The following CFAP46 variants were observed in gnomAD, a reference collection of about 807,000 sequenced individuals.
CFAP46 encodes the protein cilia- and flagella-associated protein 46.
A neutral mutation model predicts 325.7 loss-of-function variants in CFAP46; 245 were observed. That is an observed-to-expected ratio of 0.75 (90% CI 0.68 to 0.84). CFAP46 has a LOEUF of 0.84. CFAP46 is among the 40% of genes least tolerant of loss of function. The pLI is 0.00. For missense variants in CFAP46, 3,346 were observed against 3,543.0 expected (o/e 0.94, Z 1.41); for synonymous variants, 1,523 against 1,495.9 (o/e 1.02, Z -0.42).
intron 35 of CFAP46, among the ~76,000 whole-genome samples, chr10:132,864,481 A>G (rs1848778344): frequency 1.1e-5 from 1 of 94,160 alleles, no homozygotes. Context: ...AGACCTGCAC[A>G]CATCTGTCCC....
intron 47 of CFAP46, 89 bp downstream of exon 47, chr10:132,835,214 GC>G: frequency 6.5e-7 from 1 of 1,536,838 alleles, no homozygotes. Flanking sequence ...CTAGCGCCCC[GC>G]CCCTCCCCCC....
intron 55 of CFAP46, 47 bp downstream of exon 55, chr10:132,812,738 T>G: frequency 7.0e-7 from 1 of 1,437,594 alleles, no homozygotes; most frequent in Non-Finnish European, 9.7e-7. Flanking sequence ...TCAGGCGGGT[T>G]TGTCCTGTGC....
chr10:132,922,690 G>T lies in CFAP46; in HGVS notation c.1275C>A (p.Arg425=). 2 of 1,548,286 alleles carry T rather than the reference G, an allele frequency of 1.3e-6. No individual in the cohort carries two copies. The highest frequency in any genetic ancestry group is 1.7e-6 in the Non-Finnish European group (2 of 1,145,474). ...GCGCCATCTCCATGTGCACTTGACA[G>T]CGGAGAAGCGTCATGAGGCTGCGGG... ...EKLDSLMTLL[R]CQVHMEMAQI... The change falls in exon 12 of 58, where the codon CGC becomes CGA. Residue 425 remains arginine, a synonymous_variant. Transcript: ENST00000368586.
chr10:132,897,150 A>G (rs1212040466), intron 24 of CFAP46, among the ~76,000 whole-genome samples: 3 of 152,256 alleles, frequency 2.0e-5, no homozygotes, highest in African/African-American at 7.2e-5. Context: ...TAAAGCTACA[A>G]AATTCTTAGA....
intron 22 of CFAP46, among the ~76,000 whole-genome samples, chr10:132,900,346 C>T (rs977774763): frequency 5.3e-5 from 8 of 152,236 alleles, no homozygotes; most frequent in Non-Finnish European, 1.2e-4. Flanking sequence ...CATCCCTGGA[C>T]GTTCGCTGCT....
At chr10:132,934,701 T>C in intron 8 of CFAP46, 51 bp downstream of exon 8, 1 of 1,273,252 alleles carries the variant, frequency 7.9e-7, no homozygotes, top group African/African-American at 1.5e-5. Flanking sequence ...GCCTGCTAAA[T>C]TTTGTACAAC....
chr10:132,898,780 C>T (rs1022116671), intron 24 of CFAP46, 179 bp downstream of exon 24: 3 of 801,884 alleles, frequency 3.7e-6, no homozygotes, highest in African/African-American at 3.4e-5. Flanking sequence ...CCAGCAGGGG[C>T]CCCCGCAGTG....
chr10:132,900,481 T>C (rs1185050258), intron 22 of CFAP46, among the ~76,000 whole-genome samples: 1 of 152,228 alleles, frequency 6.6e-6, no homozygotes, highest in Non-Finnish European at 1.5e-5. Context: ...ATGAGAAAGA[T>C]GCTGGCTCAC....
Position 132,886,175 on chromosome 10 carries a change from G to A in CFAP46, c.3305-216C>T, listed in dbSNP as rs55668342. Among the ~76,000 whole-genome samples, 6,408 of 152,286 alleles carry A rather than the reference G, an allele frequency of 0.042. 163 individuals carry two copies. Among genetic ancestry groups the A allele is most frequent in the East Asian group, 0.06 (311 of 5,178 alleles). ...AGTGGCCACCCGGGATGCCCTTTCCGTTGCAGGAAGCAGCTGTCTTGTCTC... is the reference window on the plus strand; with the variant it reads ...AGTGGCCACCCGGGATGCCCTTTCCATTGCAGGAAGCAGCTGTCTTGTCTC... On this transcript the variant is annotated intron_variant, in intron 25 of 57. Transcript: ENST00000368586. The surrounding 1 kb of genome is among the most constrained non-coding windows in gnomAD (Gnocchi z 5.8).
chr10:132,876,425 G>C lies in CFAP46; in HGVS notation c.4362+387C>G, dbSNP rs981821186. Among the ~76,000 whole-genome samples the C allele has an allele frequency of 6.6e-6, 1 of 152,202 alleles. No individual in the cohort carries two copies. Among genetic ancestry groups the C allele is most frequent in the Non-Finnish European group, 1.5e-5 (1 of 68,024 alleles). On this transcript the variant is annotated intron_variant, in intron 31 of 57. Transcript: ENST00000368586. The surrounding 1 kb of genome is among the most constrained non-coding windows in gnomAD (Gnocchi z 4.1). ...GGATGAGGAAAGAGGGATCTTCCCCGGCCCCTTTGGAGGGTGTGCCACCCT... is the reference window on the plus strand; with the variant it reads ...GGATGAGGAAAGAGGGATCTTCCCCCGCCCCTTTGGAGGGTGTGCCACCCT...
intron 50 of CFAP46, among the ~76,000 whole-genome samples, chr10:132,824,100 GTGATGTGTGCTGTGTGCGC>G (rs1251295009): frequency 2.3e-5 from 3 of 129,584 alleles, no homozygotes; most frequent in Non-Finnish European, 3.4e-5. Context: ...TGTGTGTGCG[GTGATGTGTGCTGTGTGCGC>G]TGATGTGTGC....
At position 132,885,922 on chromosome 10, in the gene CFAP46, G is replaced by T. The variant is rs987679366; in HGVS notation, c.3342C>A (p.Tyr1114Ter). 1 of 1,550,262 alleles carries T rather than the reference G, an allele frequency of 6.5e-7. No individual in the cohort carries two copies. Among genetic ancestry groups the T allele is most frequent in the East Asian group, 2.4e-5 (1 of 40,916 alleles). Residue 1114 changes from tyrosine to a stop codon, truncating the protein, a stop_gained, in exon 26 of 58, where the codon TAC becomes TAA. Coordinates refer to ENST00000368586, the MANE Select transcript of CFAP46 (RefSeq NM_001200049.3). LOFTEE classifies it high-confidence loss of function. ...EDDLALRAAL[Y>*]GLLFHSHADQ... Reference sequence around the variant, plus strand: ...CGGCATGGCTGTGGAAGAGCAGGCCGTAGAGCGCAGCACGGAGCGCCAGGT... The same window carrying T: ...CGGCATGGCTGTGGAAGAGCAGGCCTTAGAGCGCAGCACGGAGCGCCAGGT...
At chr10:132,883,968 A>G (rs1047180455) in intron 27 of CFAP46, among the ~76,000 whole-genome samples, 2 of 152,206 alleles carry the variant, frequency 1.3e-5, no homozygotes, top group African/African-American at 4.8e-5. Flanking sequence ...GTGATTATAT[A>G]ACCCTGAGAA....
rs766872062 is a variant in CFAP46, at chr10:132,812,803, C to G, written c.7483G>C (p.Val2495Leu). The change falls in exon 55 of 58, where the codon GTC becomes CTC. Residue 2495 changes from valine (V) to leucine (L), a missense_variant. By Grantham distance (32) the Val-to-Leu change is conservative (BLOSUM62 1). Coordinates refer to ENST00000368586, the MANE Select transcript of CFAP46 (RefSeq NM_001200049.3). ...FLSHILVERL[V>L]AMNLQECQVA... Reference sequence around the variant, plus strand: ...CTCTCACCTTGCAAGTTCATGGCGACCAATCTCTCCACTAATATATGGGAC... The same window carrying G: ...CTCTCACCTTGCAAGTTCATGGCGAGCAATCTCTCCACTAATATATGGGAC... 1 of 1,612,184 alleles carries G rather than the reference C, an allele frequency of 6.2e-7. No homozygotes were observed. Among genetic ancestry groups the G allele is most frequent in the Non-Finnish European group, 8.5e-7 (1 of 1,179,646 alleles).
chr10:132,899,421 G>C (rs1013448445), intron 23 of CFAP46, 114 bp downstream of exon 23: 16 of 1,391,578 alleles, frequency 1.1e-5, no homozygotes, highest in Non-Finnish European at 1.5e-5. Flanking sequence ...ACCTCCCCTC[G>C]CCGGCAGGAG....
At chr10:132,839,713 G>T (rs1244714648) in intron 44 of CFAP46, among the ~76,000 whole-genome samples, 1 of 152,132 alleles carries the variant, frequency 6.6e-6, no homozygotes, top group Non-Finnish European at 1.5e-5. Context: ...ATCATGAGTT[G>T]ATGTTGGATT....
At position 132,877,231 on chromosome 10, in the gene CFAP46, G is replaced by A. The variant is rs1444881153; in HGVS notation, c.4213-270C>T. On this transcript the variant is annotated intron_variant, in intron 30 of 57. Coordinates refer to ENST00000368586, the MANE Select transcript of CFAP46 (RefSeq NM_001200049.3). The surrounding 1 kb of genome is among the most constrained non-coding windows in gnomAD (Gnocchi z 5.7). ...CGAGAGCTAAGGCTCTGCAGCCTCT[G>A]CCTCCTGCGTCTCCCCTCAGTGACA... Among the ~76,000 whole-genome samples, 1 of 152,230 alleles carries A rather than the reference G, an allele frequency of 6.6e-6. No homozygotes were observed. The highest frequency in any genetic ancestry group is 1.5e-5 in the Non-Finnish European group (1 of 68,044).
chr10:132,898,707 C>G (rs1214397189), intron 24 of CFAP46: 6 of 584,456 alleles, frequency 1.0e-5, no homozygotes, highest in Non-Finnish European at 1.9e-5. Context: ...CTGTGTGTCT[C>G]CAGGGCTGAG....
chr10:132,851,986 T>C (rs1281038224), intron 39 of CFAP46, among the ~76,000 whole-genome samples: 1 of 150,676 alleles, frequency 6.6e-6, no homozygotes, highest in East Asian at 1.9e-4. Flanking sequence ...TCTCAGATCC[T>C]GATCCACAGA....
Sources: allele counts gnomAD v4.1 joint callset (sites outside exome capture counted in the v4.1 genomes callset), GRCh38; gene constraint gnomAD v4.1.1; non-coding constraint Gnocchi (gnomAD v3.1); transcripts MANE v1.5; gene names NCBI Gene and HGNC (gene_info 2026-07-23, HGNC 2026-07-21).